The following MAML2 variants were observed in gnomAD, a reference collection of about 807,000 sequenced individuals.
MAML2 encodes the protein mastermind like transcriptional coactivator 2, also known as mastermind-like protein 2.
MAML2 carries 22 observed loss-of-function variants against 96.1 expected under a neutral mutation model. The ratio of observed to expected loss-of-function variants is 0.23; its 90% CI spans 0.16 to 0.33. The LOEUF (loss-of-function observed/expected upper bound fraction) is 0.33, where lower values mean the gene tolerates loss of function less well. Among genes scored for constraint, MAML2 ranks in the 10% least tolerant of loss-of-function variants. MAML2 has a pLI of 1.00. For synonymous variants in MAML2, 561 were observed against 521.3 expected (o/e 1.08, Z -1.04); for missense variants, 1,367 against 1,392.4 (o/e 0.98, Z 0.29).
intron 1 of MAML2, among the ~76,000 whole-genome samples, chr11:96,102,430 A>G (rs1389102893): frequency 1.3e-5 from 2 of 152,230 alleles, no homozygotes; most frequent in African/African-American, 4.8e-5. Context: ...AGACTTGAGC[A>G]TGGCCTTATT....
At chr11:96,298,319 A>C (rs991380224) in intron 1 of MAML2, among the ~76,000 whole-genome samples, 2 of 152,210 alleles carry the variant, frequency 1.3e-5, no homozygotes, top group African/African-American at 4.8e-5. Flanking sequence ...CTTTGCAGAG[A>C]AACAGTGAGG....
intron 1 of MAML2, among the ~76,000 whole-genome samples, chr11:96,176,841 C>T (rs1861394835): frequency 6.6e-6 from 1 of 152,046 alleles, no homozygotes; most frequent in Admixed American, 6.6e-5. Context: ...TGTAGTGATA[C>T]CGATAGGTGT....
chr11:96,028,250 A>G (rs1565193444), intron 2 of MAML2, among the ~76,000 whole-genome samples: 3 of 152,228 alleles, frequency 2.0e-5, no homozygotes, highest in Non-Finnish European at 4.4e-5. Flanking sequence ...ATATGCTGCC[A>G]TGTGCCACAG....
Position 96,342,535 on chromosome 11 carries a change from T to G in MAML2, c.-640A>C, listed in dbSNP as rs1167201941. The G allele has an allele frequency of 2.5e-6, 1 of 397,754 alleles. No homozygotes were observed. Among genetic ancestry groups the G allele is most frequent in the African/African-American group, 2.1e-5 (1 of 48,628 alleles). The allele number at this position is 397,754 out of a possible 1,614,324, so 24.6% of individuals were successfully genotyped here. On this transcript the variant is annotated 5_prime_UTR_variant, in exon 1 of 5. Transcript: ENST00000524717. ...AATGTGCAAAAATCAAGGGAGACTG[T>G]CTTTTGGCTTTTAATTTTTCCTCCC...
At chr11:96,268,927 G>A (rs960013267) in intron 1 of MAML2, among the ~76,000 whole-genome samples, 1 of 144,762 alleles carries the variant, frequency 6.9e-6, no homozygotes, top group Non-Finnish European at 1.5e-5. Context: ...TTGGCAGCAA[G>A]AGAAGAGATT....
intron 1 of MAML2, among the ~76,000 whole-genome samples, chr11:96,208,031 A>G (rs1861918935): frequency 6.6e-6 from 1 of 152,170 alleles, no homozygotes; most frequent in African/African-American, 2.4e-5. Context: ...AGTCTCCATC[A>G]TATGGAACAA....
chr11:96,216,680 GAA>G (rs1237547484), intron 1 of MAML2, among the ~76,000 whole-genome samples: 1 of 152,176 alleles, frequency 6.6e-6, no homozygotes, highest in Non-Finnish European at 1.5e-5. Context: ...ATGAAAAGCA[GAA>G]AGAGACTCAG....
chr11:96,008,885 T>C (rs991927080), intron 2 of MAML2, among the ~76,000 whole-genome samples: 3 of 152,218 alleles, frequency 2.0e-5, no homozygotes, highest in African/African-American at 7.2e-5. Flanking sequence ...TTGAAGTTCA[T>C]CATATTTATC....
intron 1 of MAML2, among the ~76,000 whole-genome samples, chr11:96,298,772 G>A (rs1379417359): frequency 6.8e-6 from 1 of 147,504 alleles, no homozygotes; most frequent in East Asian, 2.0e-4. Context: ...GCCGGGCGCA[G>A]TGGCTCAGGC....
intron 1 of MAML2, among the ~76,000 whole-genome samples, chr11:96,238,894 G>A (rs959969419): frequency 1.2e-4 from 18 of 152,362 alleles, no homozygotes; most frequent in Middle Eastern, 3.4e-3. Flanking sequence ...GTCCAAAGGA[G>A]TAAGTAGCCA....
chr11:96,028,953 G>C (rs1858567876), intron 2 of MAML2, among the ~76,000 whole-genome samples: 1 of 152,094 alleles, frequency 6.6e-6, no homozygotes, highest in Non-Finnish European at 1.5e-5. Context: ...ATTCAGGACA[G>C]TGTTGCTTTT....
chr11:96,284,735 G>T (rs1320522236), intron 1 of MAML2, among the ~76,000 whole-genome samples: 1 of 152,152 alleles, frequency 6.6e-6, no homozygotes, highest in Non-Finnish European at 1.5e-5. Flanking sequence ...ATTGATGAAA[G>T]AAAAATATGA....
chr11:96,309,105 C>T (rs1241639347), intron 1 of MAML2, among the ~76,000 whole-genome samples: 1 of 152,160 alleles, frequency 6.6e-6, no homozygotes, highest in Middle Eastern at 3.2e-3. Context: ...TGTTAGCTGG[C>T]AATGTCTTTT....
intron 1 of MAML2, among the ~76,000 whole-genome samples, chr11:96,174,395 T>G (rs570375145): frequency 1.1e-3 from 172 of 152,340 alleles, no homozygotes; most frequent in Non-Finnish European, 2.1e-3. Context: ...TTATTTTATT[T>G]TATTTTGAGA....
chr11:96,193,117 C>T (rs931670967), intron 1 of MAML2, among the ~76,000 whole-genome samples: 8 of 152,062 alleles, frequency 5.3e-5, no homozygotes, highest in Non-Finnish European at 8.8e-5. Context: ...GCCTATAATC[C>T]CAGCACTTTG....
chr11:96,039,494 C>T (rs1858771907), intron 2 of MAML2, among the ~76,000 whole-genome samples: 1 of 152,010 alleles, frequency 6.6e-6, no homozygotes, highest in Non-Finnish European at 1.5e-5. Context: ...TGGGTTGAGG[C>T]TGCTAAGAAA....
In MAML2 at chr11:95,979,236, A is replaced by G. The variant is rs1221612733; in HGVS notation, c.3183T>C (p.Asn1061=). ...PNQLSTQILP[N]LNQSGTGLNQ... ...TCAACCCTGTTCCTGACTGATTCAAATTAGGCAAAATCTGTGTGCTTAGCT... is the reference window on the plus strand; with the variant it reads ...TCAACCCTGTTCCTGACTGATTCAAGTTAGGCAAAATCTGTGTGCTTAGCT... The change falls in exon 5 of 5, where the codon AAT becomes AAC. Residue 1061 remains asparagine (N), a synonymous_variant. Transcript: ENST00000524717. The G allele has an allele frequency of 2.7e-5, 44 of 1,613,862 alleles. No homozygotes were observed. Among genetic ancestry groups the G allele is most frequent in the Non-Finnish European group, 3.7e-5 (44 of 1,179,896 alleles).
chr11:96,074,537 A>G (rs948226549), intron 2 of MAML2, among the ~76,000 whole-genome samples: 2 of 152,224 alleles, frequency 1.3e-5, no homozygotes, highest in African/African-American at 4.8e-5. Flanking sequence ...ATATGGAGGA[A>G]AGATCCATGG....
At chr11:96,098,135 G>C (rs139584473) in intron 1 of MAML2, among the ~76,000 whole-genome samples, 109 of 152,296 alleles carry the variant, frequency 7.2e-4, no homozygotes, top group African/African-American at 2.5e-3. Flanking sequence ...CGGGACACAG[G>C]GGGTTGGATG....
Sources: gnomAD v4.1 joint callset for allele counts (sites outside exome capture counted in the v4.1 genomes callset) on GRCh38, gnomAD v4.1.1 for gene constraint, MANE v1.5 for transcripts, NCBI Gene and HGNC (gene_info 2026-07-23, HGNC 2026-07-21) for gene names.